The following CSRNP3 variants were observed in gnomAD, a reference collection of about 807,000 sequenced individuals.
CSRNP3 encodes the protein cysteine and serine rich nuclear protein 3.
Under a neutral mutation model 48.0 loss-of-function variants are expected in CSRNP3, and 12 were observed. That is an observed-to-expected ratio of 0.25 (90% CI 0.16 to 0.41). The LOEUF (loss-of-function observed/expected upper bound fraction) is 0.41, where lower values mean the gene tolerates loss of function less well. CSRNP3 is among the 10% of genes least tolerant of loss of function. The probability of loss-of-function intolerance (pLI) is 1.00; values close to 1 mark genes in which losing one functional copy is unlikely to be tolerated. For synonymous variants in CSRNP3, 263 were observed against 269.7 expected (o/e 0.98, Z 0.24); for missense variants, 580 against 724.4 (o/e 0.80, Z 2.29).
Position 165,495,196 on chromosome 2 carries a change from G to T in CSRNP3, c.-113+268G>T, listed in dbSNP as rs186561593. On this transcript the variant is annotated intron_variant, in intron 2 of 6. Coordinates refer to ENST00000651982, the MANE Select transcript of CSRNP3 (RefSeq NM_001172173.2). The stretch of plus-strand genomic sequence containing the variant: ...GGAAATAATTTAATGAGTGTCTTCA[G>T]CTTGCTGAAATAAATCTATCTTTTG... Among the ~76,000 whole-genome samples the T allele has an allele frequency of 3.5e-4, 53 of 152,160 alleles. 1 individual carries two copies. In the East Asian group the frequency reaches 0.01, roughly 29 times the overall value.
chr2:165,594,951 T>G, intron 3 of CSRNP3, 92 bp from the exon 4 acceptor site: 1 of 1,135,268 alleles, frequency 8.8e-7, no homozygotes, highest in Non-Finnish European at 1.3e-6. Context: ...AGCTCATGTA[T>G]AAAAAGCCAC....
chr2:165,564,074 G>T (rs1029753009), intron 3 of CSRNP3, among the ~76,000 whole-genome samples: 5 of 152,028 alleles, frequency 3.3e-5, no homozygotes, highest in African/African-American at 1.2e-4. Flanking sequence ...AAATAGTTAC[G>T]TGAACCCCCT....
intron 2 of CSRNP3, among the ~76,000 whole-genome samples, chr2:165,502,691 G>A (rs1367348049): frequency 6.6e-6 from 1 of 151,530 alleles, no homozygotes; most frequent in Non-Finnish European, 1.5e-5. Context: ...CTCTCTGTCT[G>A]TCTTCTGTCT....
chr2:165,525,861 T>C (rs1379596711), intron 3 of CSRNP3, among the ~76,000 whole-genome samples: 5 of 152,196 alleles, frequency 3.3e-5, no homozygotes, highest in Admixed American at 2.6e-4. Context: ...TCTAAATGTA[T>C]TATAATTTTA....
chr2:165,583,174 C>A (rs1255426706), intron 3 of CSRNP3, among the ~76,000 whole-genome samples: 1 of 152,204 alleles, frequency 6.6e-6, no homozygotes, highest in East Asian at 1.9e-4. Context: ...ATGCTAATTT[C>A]TTGCCAAATG....
chr2:165,481,149 A>G (rs1379905959), intron 1 of CSRNP3, among the ~76,000 whole-genome samples: 1 of 152,156 alleles, frequency 6.6e-6, no homozygotes, highest in Non-Finnish European at 1.5e-5. Context: ...AAAACCCAAA[A>G]TCAAATAAAA....
chr2:165,626,033 G>C (rs530690861), intron 4 of CSRNP3, among the ~76,000 whole-genome samples: 1 of 151,984 alleles, frequency 6.6e-6, no homozygotes, highest in African/African-American at 2.4e-5. Context: ...GACCAGCCTG[G>C]CCAACCTGGT....
chr2:165,570,319 C>A (rs1395448772), intron 3 of CSRNP3, among the ~76,000 whole-genome samples: 1 of 152,016 alleles, frequency 6.6e-6, no homozygotes, highest in African/African-American at 2.4e-5. Flanking sequence ...TAAAACCATA[C>A]ACTATAGACT....
At chr2:165,544,623 G>A (rs150964811) in intron 3 of CSRNP3, among the ~76,000 whole-genome samples, 5 of 152,232 alleles carry the variant, frequency 3.3e-5, no homozygotes, top group African/African-American at 9.6e-5. Flanking sequence ...TATTTTGAAC[G>A]TAGATCCAAC....
chr2:165,489,932 T>G (rs1227792303), intron 1 of CSRNP3, among the ~76,000 whole-genome samples: 2 of 151,122 alleles, frequency 1.3e-5, no homozygotes, highest in Non-Finnish European at 2.9e-5. Flanking sequence ...AACATAGTGT[T>G]GGAAGTTCTG....
chr2:165,609,071 C>G (rs1242035904), intron 4 of CSRNP3, among the ~76,000 whole-genome samples: 1 of 149,724 alleles, frequency 6.7e-6, no homozygotes, highest in Non-Finnish European at 1.5e-5. Context: ...GGCGCCACTG[C>G]ACTCCAGCCT....
At chr2:165,510,233 G>C (rs1321744773) in intron 2 of CSRNP3, among the ~76,000 whole-genome samples, 1 of 152,064 alleles carries the variant, frequency 6.6e-6, no homozygotes, top group Non-Finnish European at 1.5e-5. Context: ...AAGGTCGATG[G>C]TGGTGATCAA....
At chr2:165,507,033 A>AT (rs554762547) in intron 2 of CSRNP3, among the ~76,000 whole-genome samples, 4 of 152,152 alleles carry the variant, frequency 2.6e-5, no homozygotes, top group Non-Finnish European at 5.9e-5. Context: ...TAAACTAAAT[A>AT]TTTTTTCAAA....
At chr2:165,578,711 G>GA (rs983030507) in intron 3 of CSRNP3, among the ~76,000 whole-genome samples, 41 of 147,592 alleles carry the variant, frequency 2.8e-4, no homozygotes, top group Admixed American at 5.4e-4. Flanking sequence ...ATGAACAAAG[G>GA]AAAAAAAAAC....
chr2:165,516,462 A>T (rs1189381259), intron 2 of CSRNP3, among the ~76,000 whole-genome samples: 3 of 152,086 alleles, frequency 2.0e-5, no homozygotes, highest in African/African-American at 7.2e-5. Context: ...GTTGCTGTAC[A>T]CTCTCACCAC....
chr2:165,509,748 G>A (rs537698817), intron 2 of CSRNP3, among the ~76,000 whole-genome samples: 37 of 152,144 alleles, frequency 2.4e-4, no homozygotes, highest in Middle Eastern at 3.4e-3. Context: ...ATTACCACTC[G>A]GTATCATGCT....
chr2:165,556,812 G>T (rs1193933996), intron 3 of CSRNP3, among the ~76,000 whole-genome samples: 1 of 152,162 alleles, frequency 6.6e-6, no homozygotes, highest in Non-Finnish European at 1.5e-5. Flanking sequence ...AGCAATGCAA[G>T]AAGAGCTTCT....
intron 4 of CSRNP3, among the ~76,000 whole-genome samples, chr2:165,601,921 A>C (rs1370670851): frequency 2.0e-5 from 3 of 152,210 alleles, no homozygotes; most frequent in African/African-American, 7.2e-5. Context: ...ATTTAGATTT[A>C]ATTTCAACAA....
chr2:165,592,791 A>G lies in CSRNP3; in HGVS notation c.-23-2252A>G, dbSNP rs1297618488. On this transcript the variant is annotated intron_variant, in intron 3 of 6. Transcript: ENST00000651982. ...GCCATGTGTAACTGTGAGTCAATTA[A>G]ACCTCTTTTCATTTTTTTTTTTTTT... 2.8e-5 allele frequency among the ~76,000 whole-genome samples: 4 copies of G among 144,214 alleles called. No individual in the cohort carries two copies. In the East Asian group the frequency reaches 8.1e-4, roughly 29 times the overall value. The allele number at this position is 144,214 out of a possible 152,430, so 94.6% of individuals were successfully genotyped here.
Sources: allele counts gnomAD v4.1 joint callset (sites outside exome capture counted in the v4.1 genomes callset), GRCh38; gene constraint gnomAD v4.1.1; transcripts MANE v1.5; gene names NCBI Gene and HGNC (gene_info 2026-07-23, HGNC 2026-07-21).